C12orf76: variants seen among roughly 807,000 people sequenced by gnomAD.
C12orf76 encodes the protein uncharacterized protein C12orf76.
Under a neutral mutation model 6.8 loss-of-function variants are expected in C12orf76, and 6 were observed. The ratio of observed to expected loss-of-function variants is 0.88; its 90% CI spans 0.48 to 1.73. C12orf76 has a LOEUF of 1.73. Ranked by LOEUF, C12orf76 falls within the 40% of genes most tolerant of loss-of-function variation. C12orf76 has a pLI of 0.01. For synonymous variants in C12orf76, 56 were observed against 43.7 expected, an observed-to-expected ratio of 1.28 and a Z score of -1.11; for missense variants, 99 against 98.2, an observed-to-expected ratio of 1.01 and a Z score of -0.03.
chr12:110,041,794 T>C lies in C12orf76; in HGVS notation c.*580A>G, dbSNP rs1892317969. Reference sequence around the variant, plus strand: ...TGCATATAGTAACAGGTCTACCTGATGTGACCCTGACTTCAGGGGGAGCAC... The same window carrying C: ...TGCATATAGTAACAGGTCTACCTGACGTGACCCTGACTTCAGGGGGAGCAC... On this transcript the variant is annotated 3_prime_UTR_variant, in exon 2 of 2. Coordinates refer to ENST00000615315, the MANE Select transcript of C12orf76 (RefSeq NM_001389625.1). The C allele has an allele frequency of 6.4e-6, 1 of 156,090 alleles. No individual in the cohort carries two copies. Among genetic ancestry groups the C allele is most frequent in the Admixed American group, 6.2e-5 (1 of 16,194 alleles). The allele number at this position is 156,090 out of a possible 1,614,324, so 9.7% of individuals were successfully genotyped here.
upstream of C12orf76, chr12:110,048,760 G>T: frequency 2.3e-6 from 2 of 882,482 alleles, no homozygotes; most frequent in Non-Finnish European, 2.9e-6. Context: ...CCGTTCTGCT[G>T]TGGTTAGCGT....
At chr12:110,056,010 T>C (rs1282731180) in intron 4 of C12orf76, among the ~76,000 whole-genome samples, 3 of 151,412 alleles carry the variant, frequency 2.0e-5, no homozygotes, top group East Asian at 1.9e-4. Context: ...GAGGTAGAGA[T>C]TGCAGTGAGC....
chr12:110,062,213 A>T (rs1892782825), intron 2 of C12orf76, among the ~76,000 whole-genome samples: 3 of 152,166 alleles, frequency 2.0e-5, no homozygotes, highest in Non-Finnish European at 4.4e-5. Flanking sequence ...GCAGTGAGCC[A>T]AGATCGTGCC....
At chr12:110,068,313 G>GAAGAAGAAGAAGAAGAAA (rs1566080242), upstream of C12orf76, among the ~76,000 whole-genome samples, 104 of 145,874 alleles carry the variant, frequency 7.1e-4, no homozygotes, top group African/African-American at 2.4e-3. Flanking sequence ...AGAAGAAGAA[G>GAAGAAGAAGAAGAAGAAA]AAGAAGAAGA....
At chr12:110,071,557 G>A (rs181653866), upstream of C12orf76, among the ~76,000 whole-genome samples, 253 of 152,016 alleles carry the variant, frequency 1.7e-3, no homozygotes, top group Non-Finnish European at 2.9e-3. Flanking sequence ...TGCAGAAACA[G>A]AGGCTCAGAG....
chr12:110,060,673 C>T (rs1892755224), intron 2 of C12orf76, among the ~76,000 whole-genome samples: 1 of 152,164 alleles, frequency 6.6e-6, no homozygotes, highest in Non-Finnish European at 1.5e-5. Context: ...TCATCTACTT[C>T]TTCTCTTGCT....
At chr12:110,069,357 C>G (rs894904957), upstream of C12orf76, among the ~76,000 whole-genome samples, 2 of 152,102 alleles carry the variant, frequency 1.3e-5, no homozygotes, top group African/African-American at 2.4e-5. Context: ...GGAGAATGGC[C>G]GGAACCCGGG....
At chr12:110,057,185 T>C (rs780116750) in intron 4 of C12orf76, 1 of 1,601,032 alleles carries the variant, frequency 6.2e-7, no homozygotes, top group East Asian at 2.2e-5. Context: ...TTTCGCAGAC[T>C]TACCTTGGCA....
At chr12:110,060,864 A>G (rs1892759624) in intron 2 of C12orf76, among the ~76,000 whole-genome samples, 1 of 151,890 alleles carries the variant, frequency 6.6e-6, no homozygotes, top group East Asian at 1.9e-4. Flanking sequence ...GGTGAAACCC[A>G]ATCTCTACTA....
chr12:110,056,779 T>C (rs955408860), intron 4 of C12orf76: 1 of 177,710 alleles, frequency 5.6e-6, no homozygotes, highest in Non-Finnish European at 1.2e-5. Context: ...TGAGATCTGA[T>C]GGTTTTATAA....
upstream of C12orf76, chr12:110,050,695 C>A: frequency 2.5e-6 from 1 of 394,408 alleles, no homozygotes; most frequent in Non-Finnish European, 4.6e-6. Context: ...CCTCGTTTAG[C>A]GTATCATCAA....
Position 110,042,286 on chromosome 12 carries a change from G to A in C12orf76, c.*88C>T, listed in dbSNP as rs1892333817. ...CAGACCAAAGGTCATTTCCAAGTAG[G>A]AAAGTTTTGGTTCCAACTTCTCCAC... On this transcript the variant is annotated 3_prime_UTR_variant, in exon 2 of 2. Transcript: ENST00000615315. 14 of 1,024,524 alleles carry A rather than the reference G, an allele frequency of 1.4e-5. No homozygotes were observed. The highest frequency in any genetic ancestry group is 1.8e-5 in the Non-Finnish European group (12 of 650,614). The allele number at this position is 1,024,524 out of a possible 1,614,324, so 63.5% of individuals were successfully genotyped here.
intron 4 of C12orf76, chr12:110,057,075 C>G: frequency 1.4e-6 from 1 of 705,536 alleles, no homozygotes; most frequent in South Asian, 1.7e-5. Context: ...CCCATGGAAC[C>G]CTCAGGCTGC....
chr12:110,042,584 C>T, intron 1 of C12orf76, 125 bp from the exon 2 acceptor site: 1 of 719,640 alleles, frequency 1.4e-6, no homozygotes, highest in Non-Finnish European at 2.6e-6. Context: ...GTGCAAACAG[C>T]TGTAAACAGA....
rs1892513206 is a variant in C12orf76, at chr12:110,048,510, C to T, written c.-15G>A. On this transcript the variant is annotated 5_prime_UTR_variant, in exon 1 of 2. Coordinates refer to ENST00000615315, the MANE Select transcript of C12orf76 (RefSeq NM_001389625.1). ...GGACGCAGCATCTTCCCCAGCCCTG[C>T]AGAAGCAGAGAGGCCACTTCCGTCG... The T allele has an allele frequency of 1.4e-6, 2 of 1,408,704 alleles. No individual in the cohort carries two copies. Among genetic ancestry groups the T allele is most frequent in the Admixed American group, 6.0e-5 (2 of 33,302 alleles). The allele number at this position is 1,408,704 out of a possible 1,614,324, so 87.3% of individuals were successfully genotyped here.
At chr12:110,046,360 A>G (rs989788463) in intron 1 of C12orf76, among the ~76,000 whole-genome samples, 6 of 152,226 alleles carry the variant, frequency 3.9e-5, no homozygotes, top group African/African-American at 1.4e-4. Flanking sequence ...CAGGAGGCGG[A>G]GGCTGCAGTG....
chr12:110,051,084 T>C, upstream of C12orf76: 1 of 780,722 alleles, frequency 1.3e-6, no homozygotes, highest in Non-Finnish European at 2.4e-6. Context: ...CTTTCACTTC[T>C]GCTGTCCTTT....
intron 2 of C12orf76, among the ~76,000 whole-genome samples, chr12:110,064,781 C>T (rs1892831242): frequency 6.6e-6 from 1 of 152,046 alleles, no homozygotes; most frequent in African/African-American, 2.4e-5. Context: ...AGACAAATTG[C>T]TCCTTCCTCT....
chr12:110,042,510 T>C, intron 1 of C12orf76, 51 bp from the exon 2 acceptor site: 1 of 1,177,572 alleles, frequency 8.5e-7, no homozygotes, highest in Non-Finnish European at 1.3e-6. Context: ...GGTTAGGCAA[T>C]TCATCCACTC....
Sources: gnomAD v4.1 joint callset for allele counts (sites outside exome capture counted in the v4.1 genomes callset) on GRCh38, gnomAD v4.1.1 for gene constraint, MANE v1.5 for transcripts, NCBI Gene and HGNC (gene_info 2026-07-23, HGNC 2026-07-21) for gene names.